NELFA: variants seen among roughly 807,000 people sequenced by gnomAD.
The protein encoded by NELFA is negative elongation factor complex member A.
Under a neutral mutation model 51.8 loss-of-function variants are expected in NELFA, and 35 were observed. The ratio of observed to expected loss-of-function variants is 0.68; its 90% confidence interval spans 0.52 to 0.90. The LOEUF is 0.90. Ranked by LOEUF, NELFA falls within the 40% of genes least tolerant of loss-of-function variation. NELFA has a pLI of 0.00. For missense variants in NELFA, 658 were observed against 746.4 expected (o/e 0.88, Z 1.38); for synonymous variants, 417 against 338.4 (o/e 1.23, Z -2.55).
chr4:1,989,476 C>T lies in NELFA; in HGVS notation c.544+232G>A, dbSNP rs559927735. ...CCGAGTAGCTGGGAGCACAGGCACG[C>T]ACCACCATGCCCGGCTAATGTTTTG... On this transcript the variant is annotated intron_variant, in intron 3 of 10. Transcript: ENST00000382882. The surrounding 1 kb of genome is among the most constrained non-coding windows in gnomAD (Gnocchi z 4.8). 1.1e-4 allele frequency among the ~76,000 whole-genome samples: 16 copies of T among 152,166 alleles called. No individual in the cohort carries two copies. The South Asian group carries it at 3.3e-3, about 32-fold the overall frequency.
chr4:1,985,548 C>G (rs1250375559), intron 7 of NELFA, among the ~76,000 whole-genome samples: 1 of 152,216 alleles, frequency 6.6e-6, no homozygotes, highest in Non-Finnish European at 1.5e-5. Context: ...GGCAGCCCCT[C>G]CAGCAAGCGT....
intron 1 of NELFA, among the ~76,000 whole-genome samples, chr4:1,994,248 G>C (rs1728361824): frequency 6.6e-6 from 1 of 152,050 alleles, no homozygotes; most frequent in African/African-American, 2.4e-5. Flanking sequence ...CTGAGCAACA[G>C]AGCAAGATTT....
rs1727923344 is a variant in NELFA at position 1,982,765 on chromosome 4, C to CCATT, written c.*553_*554insAATG. The CCATT allele has an allele frequency of 6.6e-6, 1 of 151,952 alleles. No homozygotes were observed. 9.4% of individuals were successfully genotyped at this position (151,952 alleles called of 1,614,324 possible). On this transcript the variant is annotated 3_prime_UTR_variant, in exon 11 of 11. Transcript: ENST00000382882. ...GACTTTAATGGTTCAGATAGTTTTA[C>CCATT]AATGAAAATAGGTACCCAAAGACTG...
intron 1 of NELFA, among the ~76,000 whole-genome samples, chr4:2,005,474 C>A (rs980043541): frequency 2.6e-5 from 4 of 152,100 alleles, no homozygotes; most frequent in Admixed American, 2.6e-4. Context: ...AGTGGCTCAC[C>A]TGAGGTCAGG....
rs925569331 is a variant in NELFA at position 1,989,090 on chromosome 4, C to T, written c.544+618G>A. ...CCTCCCAAGCAACTGGGATTACAGG[C>T]ATGCACCACCACAGCCAGCTAATTT... is the stretch of plus-strand genomic sequence containing the variant. On this transcript the variant is annotated intron_variant, in intron 3 of 10. Coordinates refer to ENST00000382882, the MANE Select transcript of NELFA (RefSeq NM_005663.5). The surrounding 1 kb of genome is among the most constrained non-coding windows in gnomAD (Gnocchi z 4.8). Among the ~76,000 whole-genome samples, 2 of 151,898 alleles carry T rather than the reference C, an allele frequency of 1.3e-5. No individual in the cohort carries two copies. The highest frequency in any genetic ancestry group is 4.2e-4 in the South Asian group (2 of 4,818).
chr4:1,984,616 G>A (rs1157230462), intron 8 of NELFA, among the ~76,000 whole-genome samples, 192 bp downstream of exon 8: 5 of 152,248 alleles, frequency 3.3e-5, no homozygotes, highest in Admixed American at 3.3e-4. Context: ...GCAGGGTGGG[G>A]CAAAGCAGCT....
intron 8 of NELFA, 89 bp downstream of exon 8, chr4:1,984,719 T>C (rs1560856251): frequency 3.4e-6 from 3 of 869,568 alleles, no homozygotes; most frequent in Non-Finnish European, 5.4e-6. Flanking sequence ...GATGCAGGAG[T>C]GAGAACCGCA....
At position 1,983,849 on chromosome 4, in the gene NELFA, G is replaced by A. The variant is rs1727987729; in HGVS notation, c.1301C>T (p.Thr434Met). The change falls in exon 9 of 11, where the codon ACG becomes ATG. Residue 434 changes from threonine (T) to methionine (M), a missense_variant and splice_region_variant. Coordinates refer to ENST00000382882, the MANE Select transcript of NELFA (RefSeq NM_005663.5). ...QQQPKKNLSL[T>M]REQMFAAQEM... ...TGGGCCCTACCAGTGTACACCTACC[G>A]TGAGGGACAGGTTCTTCTTAGGCTG... is the stretch of plus-strand genomic sequence containing the variant. The A allele has an allele frequency of 1.3e-6, 2 of 1,572,524 alleles. No individual in the cohort carries two copies. The highest frequency in any genetic ancestry group is 8.6e-7 in the Non-Finnish European group (1 of 1,158,768).
intron 4 of NELFA, 193 bp downstream of exon 4, chr4:1,987,725 T>C (rs1728149228): frequency 5.3e-6 from 3 of 570,756 alleles, no homozygotes; most frequent in Middle Eastern, 4.6e-4. Flanking sequence ...TGCCCACACA[T>C]CCTCCCAGGG....
intron 8 of NELFA, among the ~76,000 whole-genome samples, chr4:1,984,585 G>A (rs1278147637): frequency 6.6e-6 from 1 of 152,228 alleles, no homozygotes. Context: ...TGGGGCCGCT[G>A]CCTGTCTGTG....
chr4:1,996,950 T>A (rs372482092), intron 1 of NELFA, among the ~76,000 whole-genome samples: 78 of 150,768 alleles, frequency 5.2e-4, no homozygotes, highest in African/African-American at 1.6e-3. Flanking sequence ...ACAAAAAATT[T>A]AAAAAAAAAG....
chr4:1,994,429 G>A (rs1728366793), intron 1 of NELFA, among the ~76,000 whole-genome samples: 1 of 152,098 alleles, frequency 6.6e-6, no homozygotes, highest in South Asian at 2.1e-4. Flanking sequence ...GCCAGGCATG[G>A]TGGTGCACTC....
rs746006722 is a variant in NELFA, at chr4:1,987,925, G to T, written c.627C>A (p.Asp209Glu). ...CCAGGGTGGGGGCCTTACTGGTGGT[G>T]TCCATCTTCCGCAGCAGCCCCCGGC... Reference protein sequence around the residue: ...AKGRGLLRKMDTTTPLKGIPK... With the variant: ...AKGRGLLRKMETTTPLKGIPK... Residue 209 changes from aspartate to glutamate, a missense_variant, in exon 4 of 11, where the codon GAC becomes GAA. Coordinates refer to ENST00000382882, the MANE Select transcript of NELFA (RefSeq NM_005663.5). The T allele has an allele frequency of 1.2e-6, 2 of 1,606,076 alleles. No homozygotes were observed. The highest frequency in any genetic ancestry group is 2.7e-5 in the African/African-American group (2 of 75,026).
intron 7 of NELFA, among the ~76,000 whole-genome samples, chr4:1,985,393 C>A (rs981655938): frequency 1.3e-5 from 2 of 152,182 alleles, no homozygotes; most frequent in Non-Finnish European, 2.9e-5. Flanking sequence ...GCAGGCAGGG[C>A]CTGGTCTCCG....
intron 10 of NELFA, 27 bp from the exon 11 acceptor site, chr4:1,983,530 G>C (rs553148): frequency 6.2e-7 from 1 of 1,612,084 alleles, no homozygotes; most frequent in Admixed American, 1.7e-5. Context: ...CTGCTGGGTG[G>C]GTGTCTGGGG....
At chr4:2,004,931 T>C (rs1320884818) in intron 1 of NELFA, among the ~76,000 whole-genome samples, 1 of 150,986 alleles carries the variant, frequency 6.6e-6, no homozygotes, top group African/African-American at 2.4e-5. Context: ...TCAGCCTCCC[T>C]AGTAGCTGGG....
intron 1 of NELFA, chr4:1,992,399 A>G (rs750103994): frequency 2.8e-6 from 1 of 354,698 alleles, no homozygotes; most frequent in African/African-American, 2.2e-5. Flanking sequence ...TGCTCCCTCA[A>G]TACCTGGGAG....
intron 1 of NELFA, among the ~76,000 whole-genome samples, chr4:2,001,404 A>G (rs1437927653): frequency 6.6e-6 from 1 of 152,166 alleles, no homozygotes; most frequent in Non-Finnish European, 1.5e-5. Context: ...AACCCCATCA[A>G]CTCAGCCCAA....
intron 1 of NELFA, among the ~76,000 whole-genome samples, chr4:1,993,595 G>GAA (rs1313889766): frequency 2.7e-5 from 4 of 149,700 alleles, no homozygotes; most frequent in African/African-American, 7.4e-5. Context: ...AAAAAAGAAA[G>GAA]AAAGAAAGAA....
Sources: allele counts gnomAD v4.1 joint callset (sites outside exome capture counted in the v4.1 genomes callset), GRCh38; gene constraint gnomAD v4.1.1; non-coding constraint Gnocchi (gnomAD v3.1); transcripts MANE v1.5; gene names NCBI Gene and HGNC (gene_info 2026-07-23, HGNC 2026-07-21).